Variants in ARID1B observed in about 807,000 individuals in gnomAD.
The protein encoded by ARID1B is AT-rich interaction domain 1B.
A neutral mutation model predicts 212.3 loss-of-function variants in ARID1B; 30 were observed. That is an observed-to-expected ratio of 0.14 (90% CI 0.11 to 0.19). The LOEUF is 0.19. Ranked by LOEUF, ARID1B falls within the 10% of genes least tolerant of loss-of-function variation. The pLI is 1.00. For synonymous variants in ARID1B, 1,402 were observed against 1,301.7 expected (o/e 1.08, Z -1.66); for missense variants, 2,891 against 3,204.0 (o/e 0.90, Z 2.36).
At chr6:156,810,324 T>C (rs1781472840) in intron 1 of ARID1B, among the ~76,000 whole-genome samples, 1 of 152,190 alleles carries the variant, frequency 6.6e-6, no homozygotes, top group African/African-American at 2.4e-5. Flanking sequence ...TATAAAAGTG[T>C]AAATGGTAAC....
At chr6:157,042,677 GAGAC>G (rs1302921242) in intron 4 of ARID1B, among the ~76,000 whole-genome samples, 1 of 82,812 alleles carries the variant, frequency 1.2e-5, no homozygotes, top group Non-Finnish European at 2.4e-5. Context: ...TTTTTTTTTT[GAGAC>G]AGAGTCTCAC....
chr6:156,801,882 G>A (rs962363704), intron 1 of ARID1B, among the ~76,000 whole-genome samples: 8 of 152,132 alleles, frequency 5.3e-5, no homozygotes, highest in African/African-American at 1.9e-4. Context: ...CCTGGTAGTT[G>A]AAATGGATTG....
intron 4 of ARID1B, among the ~76,000 whole-genome samples, chr6:157,063,109 G>C (rs1308411652): frequency 6.6e-6 from 1 of 151,294 alleles, no homozygotes; most frequent in Non-Finnish European, 1.5e-5. Flanking sequence ...TCTTTAATGT[G>C]GTGGCTTTTC....
chr6:156,857,216 A>G (rs1785011990), intron 2 of ARID1B, among the ~76,000 whole-genome samples: 1 of 152,224 alleles, frequency 6.6e-6, no homozygotes, highest in African/African-American at 2.4e-5. Context: ...TGACATTCCT[A>G]AAGTTACACA....
At chr6:157,039,662 C>CTCCTTTCT (rs1781624014) in intron 4 of ARID1B, among the ~76,000 whole-genome samples, 1 of 50,026 alleles carries the variant, frequency 2.0e-5, no homozygotes, top group African/African-American at 1.3e-4. Context: ...TCCTTCCTTC[C>CTCCTTTCT]TTCCTTCCTT....
At chr6:156,848,917 TTAC>T (rs1784404601) in intron 2 of ARID1B, among the ~76,000 whole-genome samples, 2 of 152,374 alleles carry the variant, frequency 1.3e-5, no homozygotes, top group South Asian at 4.1e-4. Context: ...AAAATATTTG[TTAC>T]AATAACCAAG....
At chr6:156,797,297 G>C (rs1027792530) in intron 1 of ARID1B, among the ~76,000 whole-genome samples, 1 of 152,214 alleles carries the variant, frequency 6.6e-6, no homozygotes, top group Non-Finnish European at 1.5e-5. Context: ...TTATTGTAGG[G>C]ATGAACAGCA....
At chr6:157,111,252 C>G (rs1361404183) in intron 6 of ARID1B, 1 of 152,464 alleles carries the variant, frequency 6.6e-6, no homozygotes, top group Non-Finnish European at 1.5e-5. Context: ...CATTTCTTAA[C>G]TGCCTTGCAG....
chr6:157,136,892 A>G (rs1279555014), intron 7 of ARID1B, among the ~76,000 whole-genome samples: 1 of 151,254 alleles, frequency 6.6e-6, no homozygotes, highest in Non-Finnish European at 1.5e-5. Flanking sequence ...CAAAAATACT[A>G]AAGAGATTAA....
Position 156,777,857 on chromosome 6 carries a change from G to GGCC in ARID1B, c.178_179insCCG (p.Gly59_Gly60insAla). 1 of 1,337,364 alleles carries GGCC rather than the reference G, an allele frequency of 7.5e-7. No homozygotes were observed. The highest frequency in any genetic ancestry group is 9.5e-7 in the Non-Finnish European group (1 of 1,050,400). The allele number at this position is 1,337,364 out of a possible 1,614,324, so 82.8% of individuals were successfully genotyped here. ...CGGCGGCACCGGGACCCATGCTGGG[G>GGCC]GGCGGCGGCGACGGCGGCGGCGGCC... On this transcript the variant is annotated inframe_insertion, in exon 1 of 20. Transcript: ENST00000636930.
At position 156,778,275 on chromosome 6, in the gene ARID1B, C is replaced by A; in HGVS notation, c.595C>A (p.Gln199Lys). ...GCAGCAGCTAAACCAGTTCCAGCAG[C>A]AGCAGCAGCAGCAGCAACAGCAGCA... ...LQQQLNQFQQ[Q>K]QQQQQQQQQQ... Residue 199 changes from glutamine to lysine, a missense_variant, in exon 1 of 20, where the codon CAG becomes AAG. This residue lies in a region of ARID1B where 1,643 missense variants were observed against 1,544.0 expected (regional missense o/e 1.06). Transcript: ENST00000636930. 6.5e-7 allele frequency: 1 copy of A among 1,540,320 alleles called. No individual in the cohort carries two copies.
chr6:156,942,229 G>C (rs76987550), intron 4 of ARID1B: 1 of 152,162 alleles, frequency 6.6e-6, no homozygotes, highest in Non-Finnish European at 1.5e-5. Context: ...GCAGGATATT[G>C]GTTTTGATAA....
intron 7 of ARID1B, among the ~76,000 whole-genome samples, chr6:157,146,800 A>T (rs932131472): frequency 5.3e-5 from 8 of 152,216 alleles, no homozygotes; most frequent in African/African-American, 1.9e-4. Flanking sequence ...CTTCCAAAAA[A>T]TAGTAAGGAC....
At chr6:156,822,685 A>G (rs145990704) in intron 1 of ARID1B, among the ~76,000 whole-genome samples, 2 of 152,328 alleles carry the variant, frequency 1.3e-5, no homozygotes, top group Non-Finnish European at 2.9e-5. Context: ...ATTCAGTATT[A>G]TCATTGTCTT....
chr6:156,952,420 A>T (rs1793655543), intron 4 of ARID1B, among the ~76,000 whole-genome samples: 2 of 152,268 alleles, frequency 1.3e-5, no homozygotes, highest in Admixed American at 1.3e-4. Context: ...AAGGAGTAAC[A>T]TGGAACTCCA....
intron 6 of ARID1B, among the ~76,000 whole-genome samples, chr6:157,125,659 C>T (rs1218266692): frequency 2.0e-5 from 3 of 152,210 alleles, no homozygotes; most frequent in Non-Finnish European, 4.4e-5. Context: ...TCCCCTGATA[C>T]TCTCATAGCA....
upstream of ARID1B, chr6:156,777,017 A>G (rs928653577): frequency 6.6e-6 from 1 of 152,276 alleles, no homozygotes; most frequent in Non-Finnish European, 1.5e-5. Flanking sequence ...AGGCCAATAG[A>G]CAACTTTGTT....
intron 4 of ARID1B, among the ~76,000 whole-genome samples, chr6:157,026,207 C>T (rs1780654759): frequency 6.6e-6 from 1 of 152,308 alleles, no homozygotes; most frequent in African/African-American, 2.4e-5. Flanking sequence ...GCCACTGCGC[C>T]AGGCCTATTT....
intron 4 of ARID1B, among the ~76,000 whole-genome samples, chr6:157,056,886 A>G (rs1782991695): frequency 6.6e-6 from 1 of 150,800 alleles, no homozygotes; most frequent in East Asian, 1.9e-4. Flanking sequence ...TTTTTTTGTT[A>G]AAACTTTTCT....
Sources: allele counts gnomAD v4.1 joint callset (sites outside exome capture counted in the v4.1 genomes callset), GRCh38; gene constraint gnomAD v4.1.1; regional missense constraint gnomAD v4.1.1; transcripts MANE v1.5; gene names NCBI Gene and HGNC (gene_info 2026-07-23, HGNC 2026-07-21).